Variants in RNGTT observed in about 807,000 individuals in gnomAD.
RNGTT encodes RNA guanylyltransferase and 5'-phosphatase, also known as mRNA-capping enzyme.
RNGTT carries 33 observed loss-of-function variants against 79.3 expected under a neutral mutation model. The ratio of observed to expected loss-of-function variants is 0.42; its 90% CI spans 0.32 to 0.56. The LOEUF is 0.56. RNGTT is among the 20% of genes least tolerant of loss of function. The probability of loss-of-function intolerance (pLI) is 0.17; values close to 1 mark genes in which losing one functional copy is unlikely to be tolerated. For synonymous variants in RNGTT, 222 were observed against 235.9 expected (o/e 0.94, Z 0.54); for missense variants, 497 against 739.1 (o/e 0.67, Z 3.80).
chr6:88,694,584 A>G (rs1352632432), intron 13 of RNGTT, among the ~76,000 whole-genome samples: 1 of 151,766 alleles, frequency 6.6e-6, no homozygotes, highest in Non-Finnish European at 1.5e-5. Context: ...ACAAAAATAG[A>G]AAAAAAAATT....
At chr6:88,869,705 T>C (rs1782293081) in intron 8 of RNGTT, among the ~76,000 whole-genome samples, 1 of 152,126 alleles carries the variant, frequency 6.6e-6, no homozygotes, top group Non-Finnish European at 1.5e-5. Flanking sequence ...CCAGGAGAAA[T>C]CCTAGAAGCA....
intron 13 of RNGTT, among the ~76,000 whole-genome samples, chr6:88,711,333 A>G (rs1776310634): frequency 1.3e-5 from 2 of 152,312 alleles, no homozygotes; most frequent in East Asian, 1.9e-4. Flanking sequence ...TCCAATCTTG[A>G]CAATTTATAC....
intron 14 of RNGTT, among the ~76,000 whole-genome samples, chr6:88,616,261 C>T (rs1772213830): frequency 6.6e-6 from 1 of 152,176 alleles, no homozygotes; most frequent in Non-Finnish European, 1.5e-5. Context: ...TGTCAATGGA[C>T]ACGTGGGCTG....
At chr6:88,681,276 T>A (rs1775082956) in intron 13 of RNGTT, among the ~76,000 whole-genome samples, 1 of 152,168 alleles carries the variant, frequency 6.6e-6, no homozygotes, top group African/African-American at 2.4e-5. Context: ...TACTATTTAG[T>A]GTGTCCCTCC....
intron 12 of RNGTT, among the ~76,000 whole-genome samples, chr6:88,773,471 A>G (rs974788520): frequency 6.6e-6 from 1 of 151,262 alleles, no homozygotes; most frequent in Non-Finnish European, 1.5e-5. Flanking sequence ...AAAGTATAAT[A>G]ATAATAAATA....
At chr6:88,833,813 G>A (rs1359738406) in intron 11 of RNGTT, among the ~76,000 whole-genome samples, 7 of 152,152 alleles carry the variant, frequency 4.6e-5, no homozygotes, top group Non-Finnish European at 7.4e-5. Flanking sequence ...CACGAGGTCA[G>A]GAGTTTGAGA....
chr6:88,814,347 C>A (rs1313077276), intron 11 of RNGTT, among the ~76,000 whole-genome samples: 1 of 152,178 alleles, frequency 6.6e-6, no homozygotes, highest in African/African-American at 2.4e-5. Context: ...ATGCTACTCA[C>A]TGACTTTCTA....
intron 13 of RNGTT, among the ~76,000 whole-genome samples, chr6:88,760,892 A>G (rs1778194547): frequency 1.3e-5 from 2 of 148,860 alleles, no homozygotes; most frequent in Middle Eastern, 3.2e-3. Context: ...TTTTTTTCCC[A>G]GAGATGAGAT....
At chr6:88,875,532 G>C (rs546101070) in intron 8 of RNGTT, among the ~76,000 whole-genome samples, 66 of 152,124 alleles carry the variant, frequency 4.3e-4, no homozygotes, top group Admixed American at 2.2e-3. Context: ...ACATGACCTG[G>C]CAAAAAGGAT....
chr6:88,722,213 C>A (rs1406965274), intron 13 of RNGTT, among the ~76,000 whole-genome samples: 1 of 151,522 alleles, frequency 6.6e-6, no homozygotes, highest in East Asian at 1.9e-4. Context: ...TCAGATCTAC[C>A]ATCTAGTCAC....
chr6:88,655,402 A>G (rs1034545127), intron 14 of RNGTT, among the ~76,000 whole-genome samples: 2 of 152,226 alleles, frequency 1.3e-5, no homozygotes, highest in Non-Finnish European at 2.9e-5. Flanking sequence ...AAATGAAGAG[A>G]TAAGTATTTC....
intron 13 of RNGTT, among the ~76,000 whole-genome samples, chr6:88,752,765 T>C (rs1207854930): frequency 6.6e-6 from 1 of 152,166 alleles, no homozygotes; most frequent in African/African-American, 2.4e-5. Context: ...GGATTATCTG[T>C]AAACCAAAGG....
At chr6:88,807,868 A>T (rs1396137076) in intron 11 of RNGTT, among the ~76,000 whole-genome samples, 1 of 152,196 alleles carries the variant, frequency 6.6e-6, no homozygotes, top group Non-Finnish European at 1.5e-5. Flanking sequence ...CTTATCTGAA[A>T]TTACGCCAGC....
intron 13 of RNGTT, among the ~76,000 whole-genome samples, chr6:88,768,550 T>A (rs1205555587): frequency 6.6e-6 from 1 of 152,240 alleles, no homozygotes; most frequent in Admixed American, 6.5e-5. Flanking sequence ...TTTAATCTTT[T>A]GGAGTCTGGA....
chr6:88,697,887 A>G lies in RNGTT; in HGVS notation c.1440-19468T>C, dbSNP rs567174482. Among the ~76,000 whole-genome samples the G allele has an allele frequency of 1.4e-4, 12 of 84,802 alleles. No homozygotes were observed. In the South Asian group the frequency reaches 3.6e-3, roughly 26 times the overall value. 55.6% of individuals were successfully genotyped at this position (84,802 alleles called of 152,430 possible). ...CCCTGTCTTGGAAAAAAATATATATATGATATATATATATGATATATATAT... is the reference window on the plus strand; with the variant it reads ...CCCTGTCTTGGAAAAAAATATATATGTGATATATATATATGATATATATAT... On this transcript the variant is annotated intron_variant, in intron 13 of 15. Transcript: ENST00000369485.
chr6:88,824,378 C>T (rs1162309087), intron 11 of RNGTT, among the ~76,000 whole-genome samples: 2 of 152,176 alleles, frequency 1.3e-5, no homozygotes, highest in Non-Finnish European at 2.9e-5. Context: ...AAAAATGGTA[C>T]ACCTGTATAG....
chr6:88,952,606 G>C (rs1354627134), intron 1 of RNGTT, among the ~76,000 whole-genome samples: 1 of 152,190 alleles, frequency 6.6e-6, no homozygotes, highest in Non-Finnish European at 1.5e-5. Flanking sequence ...TGGCTAACCA[G>C]AGGTCCTGAG....
chr6:88,671,450 C>T (rs1247678795), intron 14 of RNGTT, among the ~76,000 whole-genome samples: 1 of 152,084 alleles, frequency 6.6e-6, no homozygotes, highest in Non-Finnish European at 1.5e-5. Context: ...AAAGAAATCA[C>T]ACATGACAAA....
intron 8 of RNGTT, among the ~76,000 whole-genome samples, chr6:88,887,522 T>C (rs1012027913): frequency 2.0e-5 from 3 of 152,088 alleles, no homozygotes; most frequent in Non-Finnish European, 2.9e-5. Context: ...TAAAACAGAG[T>C]AGGTATTCAA....
Sources: allele counts gnomAD v4.1 joint callset (sites outside exome capture counted in the v4.1 genomes callset), GRCh38; gene constraint gnomAD v4.1.1; transcripts MANE v1.5; gene names NCBI Gene and HGNC (gene_info 2026-07-23, HGNC 2026-07-21).